SULF1: variants seen among roughly 807,000 people sequenced by gnomAD.
SULF1 encodes the protein sulfatase 1, also known as extracellular sulfatase Sulf-1.
Under a neutral mutation model 110.5 loss-of-function variants are expected in SULF1, and 46 were observed. The ratio of observed to expected loss-of-function variants is 0.42; its 90% CI spans 0.33 to 0.53. The LOEUF (loss-of-function observed/expected upper bound fraction) is 0.53, where lower values mean the gene tolerates loss of function less well. SULF1 is among the 20% of genes least tolerant of loss of function. The pLI is 0.12. For missense variants in SULF1, 941 were observed against 1,094.2 expected, an observed-to-expected ratio of 0.86 and a Z score of 1.98; for synonymous variants, 371 against 387.1, an observed-to-expected ratio of 0.96 and a Z score of 0.49.
At chr8:69,608,034 C>A (rs115020911) in intron 13 of SULF1, among the ~76,000 whole-genome samples, 2,258 of 152,290 alleles carry the variant, frequency 0.015, 58 homozygotes, top group African/African-American at 0.052. Flanking sequence ...GAATGCCCCC[C>A]TCCTACCACA....
intron 6 of SULF1, among the ~76,000 whole-genome samples, chr8:69,581,208 A>G (rs1321445490): frequency 2.0e-5 from 3 of 152,230 alleles, no homozygotes; most frequent in African/African-American, 7.2e-5. Context: ...ATTTATATTT[A>G]TAGTTACTAG....
At chr8:69,515,815 C>G (rs1811887248) in intron 3 of SULF1, among the ~76,000 whole-genome samples, 1 of 152,214 alleles carries the variant, frequency 6.6e-6, no homozygotes, top group African/African-American at 2.4e-5. Context: ...TCATCTCTCT[C>G]AAGTTCAAAG....
intron 3 of SULF1, among the ~76,000 whole-genome samples, chr8:69,544,725 G>A (rs1814126186): frequency 6.6e-6 from 1 of 152,188 alleles, no homozygotes. Context: ...TGCAGATGAA[G>A]ACAGATAATC....
rs1464374417 is a variant in SULF1, at chr8:69,560,599, ACT to A, written c.-133-2937_-133-2936del. 3.3e-5 allele frequency among the ~76,000 whole-genome samples: 5 copies of A among 151,828 alleles called. No homozygotes were observed. The East Asian group carries it at 9.7e-4, about 29-fold the overall frequency. On this transcript the variant is annotated intron_variant, in intron 3 of 22. Transcript: ENST00000402687. ...CCTTTCTGCATTTCTTTCATTTTCTACTCTTTCTCAAGATAAATTGTTAGTCT... is the reference window on the plus strand; with the variant it reads ...CCTTTCTGCATTTCTTTCATTTTCTACTTTCTCAAGATAAATTGTTAGTCT...
At chr8:69,489,511 A>AT (rs1221431641), upstream of SULF1, among the ~76,000 whole-genome samples, 3 of 151,854 alleles carry the variant, frequency 2.0e-5, no homozygotes, top group Admixed American at 2.0e-4. Flanking sequence ...GGCTAAAAAA[A>AT]AAAAATAAGT....
At chr8:69,581,032 A>C (rs1000741091) in intron 6 of SULF1, among the ~76,000 whole-genome samples, 1 of 152,200 alleles carries the variant, frequency 6.6e-6, no homozygotes, top group African/African-American at 2.4e-5. Flanking sequence ...AACATGAGAA[A>C]TGTCATACAT....
chr8:69,470,280 G>C (rs1809026724), intron 1 of SULF1, among the ~76,000 whole-genome samples: 1 of 152,122 alleles, frequency 6.6e-6, no homozygotes, highest in South Asian at 2.1e-4. Context: ...ACTTTGGGGA[G>C]AAGGAGGCTC....
Position 69,617,257 on chromosome 8 carries a change from G to A in SULF1, c.1378-3778G>A, listed in dbSNP as rs768800373. 6.6e-5 allele frequency among the ~76,000 whole-genome samples: 10 copies of A among 150,910 alleles called. No individual in the cohort carries two copies. The East Asian group carries it at 1.2e-3, about 18-fold the overall frequency. ...CATGATCTCAGCTCACTGCAGCCCCGACCTCCTGGGCTCAAGTGATCTTCC... is the reference window on the plus strand; with the variant it reads ...CATGATCTCAGCTCACTGCAGCCCCAACCTCCTGGGCTCAAGTGATCTTCC... On this transcript the variant is annotated intron_variant, in intron 13 of 22. Transcript: ENST00000402687.
intron 15 of SULF1, 54 bp from the exon 16 acceptor site, chr8:69,627,156 T>G: frequency 7.3e-7 from 1 of 1,363,680 alleles, no homozygotes; most frequent in South Asian, 1.2e-5. Context: ...ATCTTTAGTG[T>G]TTTCTGCTAT....
At chr8:69,632,341 G>T (rs1057312788) in intron 19 of SULF1, among the ~76,000 whole-genome samples, 4 of 152,036 alleles carry the variant, frequency 2.6e-5, no homozygotes, top group African/African-American at 7.3e-5. Context: ...CTTATATCAG[G>T]ATCCTGTACA....
chr8:69,471,998 TGAGA>T (rs3059922), intron 1 of SULF1, among the ~76,000 whole-genome samples: 1,550 of 149,278 alleles, frequency 0.01, 17 homozygotes, highest in Non-Finnish European at 0.016. Context: ...GGAGAGAAAG[TGAGA>T]GAGAGAGAGA....
intron 13 of SULF1, among the ~76,000 whole-genome samples, chr8:69,616,128 GTA>G (rs201506753): frequency 1.5e-5 from 2 of 129,258 alleles, no homozygotes; most frequent in East Asian, 2.3e-4. Context: ...TATATAATGT[GTA>G]TATATATACA....
rs6992749 is a variant in SULF1 at position 69,502,074 on chromosome 8, C to T, written c.-134+106C>T. On this transcript the variant is annotated intron_variant, in intron 3 of 22. Transcript: ENST00000402687. ...CGGTTGGGGAATTGTTAAGAACTGG[C>T]AGAAACTGAAAAGTCAATGGTCCTC... 0.32 allele frequency: 48,090 copies of T among 151,994 alleles called. 7,901 individuals carry two copies. Among genetic ancestry groups the T allele is most frequent in the Non-Finnish European group, 0.36 (24,634 of 67,984 alleles). 9.4% of individuals were successfully genotyped at this position (151,994 alleles called of 1,614,324 possible). A position where few individuals can be genotyped will look rare whatever the true frequency, so the allele number is the denominator to read the frequency against.
chr8:69,568,768 C>T (rs142694473), intron 5 of SULF1, among the ~76,000 whole-genome samples: 57 of 152,140 alleles, frequency 3.7e-4, no homozygotes, highest in African/African-American at 6.0e-4. Context: ...TAAGTAAACA[C>T]GCAAGGAAGT....
chr8:69,526,273 G>T (rs1414534403), intron 3 of SULF1, among the ~76,000 whole-genome samples: 4 of 151,952 alleles, frequency 2.6e-5, no homozygotes, highest in Non-Finnish European at 5.9e-5. Context: ...TAAAGATAAA[G>T]GACTTCTCCC....
chr8:69,618,648 C>A (rs1455362744), intron 13 of SULF1, among the ~76,000 whole-genome samples: 1 of 152,100 alleles, frequency 6.6e-6, no homozygotes, highest in Non-Finnish European at 1.5e-5. Context: ...TTCAAGACAT[C>A]CTAGCCAATC....
chr8:69,538,088 C>T (rs1378522817), intron 3 of SULF1, among the ~76,000 whole-genome samples: 2 of 151,660 alleles, frequency 1.3e-5, no homozygotes, highest in African/African-American at 2.4e-5. Context: ...CAGCCTCCCG[C>T]GTAGCTGGGA....
At chr8:69,579,906 T>G (rs1365088933) in intron 6 of SULF1, among the ~76,000 whole-genome samples, 1 of 152,152 alleles carries the variant, frequency 6.6e-6, no homozygotes, top group African/African-American at 2.4e-5. Context: ...GCTACAAACC[T>G]AAGAAAAATA....
At chr8:69,614,439 T>G (rs1367970184) in intron 13 of SULF1, among the ~76,000 whole-genome samples, 1 of 152,186 alleles carries the variant, frequency 6.6e-6, no homozygotes, top group East Asian at 1.9e-4. Flanking sequence ...TCATAAAGAG[T>G]GCTCTAGAGC....
Sources: gnomAD v4.1 joint callset for allele counts (sites outside exome capture counted in the v4.1 genomes callset) on GRCh38, gnomAD v4.1.1 for gene constraint, MANE v1.5 for transcripts, NCBI Gene and HGNC (gene_info 2026-07-23, HGNC 2026-07-21) for gene names.